The following MLLT3 variants were observed in gnomAD, a reference collection of about 807,000 sequenced individuals.
MLLT3 encodes protein AF-9.
Under a neutral mutation model 53.2 loss-of-function variants are expected in MLLT3, and 4 were observed. That is an observed-to-expected ratio of 0.08 (90% CI 0.04 to 0.17). The LOEUF is 0.17. MLLT3 is among the 10% of genes least tolerant of loss of function. The pLI is 1.00. For synonymous variants in MLLT3, 283 were observed against 230.6 expected (o/e 1.23, Z -2.06); for missense variants, 569 against 684.0 (o/e 0.83, Z 1.87).
chr9:20,394,574 G>A (rs1210543920), intron 5 of MLLT3, among the ~76,000 whole-genome samples: 1 of 152,072 alleles, frequency 6.6e-6, no homozygotes, highest in Non-Finnish European at 1.5e-5. Context: ...TCATGTCTGG[G>A]TGTACAACTT....
At chr9:20,544,809 C>T (rs1299327895) in intron 2 of MLLT3, among the ~76,000 whole-genome samples, 3 of 152,080 alleles carry the variant, frequency 2.0e-5, no homozygotes, top group African/African-American at 4.8e-5. Context: ...ATTACTCAGT[C>T]GGGCATGGCT....
chr9:20,529,794 G>A (rs905044972), intron 2 of MLLT3, among the ~76,000 whole-genome samples: 4 of 129,422 alleles, frequency 3.1e-5, no homozygotes, highest in East Asian at 2.4e-4. Context: ...GGTCTCTAAC[G>A]CCTGGCCTTT....
chr9:20,617,351 G>A (rs1820856928), intron 2 of MLLT3, among the ~76,000 whole-genome samples: 1 of 152,086 alleles, frequency 6.6e-6, no homozygotes, highest in African/African-American at 2.4e-5. Context: ...TTGTTAGAGT[G>A]GATTTATTAA....
chr9:20,533,374 A>C (rs1294784934), intron 2 of MLLT3: 1 of 168,108 alleles, frequency 5.9e-6, no homozygotes, highest in Non-Finnish European at 1.3e-5. Flanking sequence ...AATAAAAATA[A>C]TTAAAATAAA....
At chr9:20,600,943 C>T (rs1004878337) in intron 2 of MLLT3, among the ~76,000 whole-genome samples, 1 of 152,102 alleles carries the variant, frequency 6.6e-6, no homozygotes, top group Non-Finnish European at 1.5e-5. Flanking sequence ...GGTAAAATGG[C>T]TTTAAATTGT....
chr9:20,565,384 A>C (rs1819326315), intron 2 of MLLT3, among the ~76,000 whole-genome samples: 1 of 152,100 alleles, frequency 6.6e-6, no homozygotes, highest in Non-Finnish European at 1.5e-5. Flanking sequence ...GGGTGCGCAC[A>C]CTGCGAATAA....
chr9:20,345,129 C>T lies in MLLT3; in HGVS notation c.*1314G>A, dbSNP rs1366378481. ...ACAGGACAGATTTCTAGTTTCAAAA[C>T]AAGGGTACAACAAGAACAAAAAAAT... On this transcript the variant is annotated 3_prime_UTR_variant, in exon 11 of 11. Coordinates refer to ENST00000380338, the MANE Select transcript of MLLT3 (RefSeq NM_004529.4). The T allele has an allele frequency of 4.5e-6, 1 of 222,738 alleles. No homozygotes were observed. Among genetic ancestry groups the T allele is most frequent in the Admixed American group, 5.7e-5 (1 of 17,402 alleles). 13.8% of individuals were successfully genotyped at this position (222,738 alleles called of 1,614,324 possible).
At chr9:20,474,220 G>A (rs1824465138) in intron 2 of MLLT3, among the ~76,000 whole-genome samples, 1 of 151,900 alleles carries the variant, frequency 6.6e-6, no homozygotes, top group Non-Finnish European at 1.5e-5. Flanking sequence ...CAGTAATTTT[G>A]GCTTAAAACC....
Position 20,598,851 on chromosome 9 carries a change from T to A in MLLT3, c.193+21803A>T, listed in dbSNP as rs549393281. Among the ~76,000 whole-genome samples, 7 of 152,352 alleles carry A rather than the reference T, an allele frequency of 4.6e-5. No homozygotes were observed. The South Asian group carries it at 1.4e-3, about 32-fold the overall frequency. On this transcript the variant is annotated intron_variant, in intron 2 of 10. Transcript: ENST00000380338. ...ATCACAACATAAGTTTCCAATTTTC[T>A]TTTCCAAATTAGAGTTACTTTCCTC...
chr9:20,592,337 A>C (rs1409117479), intron 2 of MLLT3, among the ~76,000 whole-genome samples: 1 of 152,218 alleles, frequency 6.6e-6, no homozygotes, highest in African/African-American at 2.4e-5. Flanking sequence ...CTTAAGCAAC[A>C]GGAATTTATT....
intron 2 of MLLT3, among the ~76,000 whole-genome samples, chr9:20,599,223 G>A (rs1175465099): frequency 6.6e-6 from 1 of 150,874 alleles, no homozygotes; most frequent in East Asian, 2.0e-4. Flanking sequence ...AGAATCACTT[G>A]AACCAGGGAG....
intron 6 of MLLT3, among the ~76,000 whole-genome samples, chr9:20,365,345 T>C (rs1821423438): frequency 6.6e-6 from 1 of 152,034 alleles, no homozygotes; most frequent in Admixed American, 6.6e-5. Flanking sequence ...TTTTGTTTTG[T>C]TTTCTTTTTT....
At chr9:20,588,097 G>A (rs918174638) in intron 2 of MLLT3, among the ~76,000 whole-genome samples, 1 of 151,976 alleles carries the variant, frequency 6.6e-6, no homozygotes, top group African/African-American at 2.4e-5. Flanking sequence ...ATTAAATAGG[G>A]AATCCTTTCC....
intron 2 of MLLT3, among the ~76,000 whole-genome samples, chr9:20,492,999 C>G (rs1284374460): frequency 6.6e-6 from 1 of 151,848 alleles, no homozygotes; most frequent in East Asian, 1.9e-4. Flanking sequence ...AGTCAGTTTA[C>G]AGACTGAATT....
At chr9:20,517,567 T>C (rs28409489) in intron 2 of MLLT3, among the ~76,000 whole-genome samples, 1 of 152,142 alleles carries the variant, frequency 6.6e-6, no homozygotes, top group African/African-American at 2.4e-5. Context: ...CCAGGCGCAG[T>C]GGCTCACGCC....
chr9:20,606,270 G>A (rs1166804424), intron 2 of MLLT3, among the ~76,000 whole-genome samples: 2 of 151,810 alleles, frequency 1.3e-5, no homozygotes, highest in Non-Finnish European at 2.9e-5. Context: ...CTGGTACATA[G>A]GACTGGTTAT....
chr9:20,619,283 C>T (rs1485587385), intron 2 of MLLT3, among the ~76,000 whole-genome samples: 1 of 152,112 alleles, frequency 6.6e-6, no homozygotes, highest in Non-Finnish European at 1.5e-5. Context: ...ATTAACCATC[C>T]AACAAAGACC....
intron 2 of MLLT3, among the ~76,000 whole-genome samples, chr9:20,595,776 C>T (rs1820245758): frequency 6.6e-6 from 1 of 152,146 alleles, no homozygotes; most frequent in South Asian, 2.1e-4. Flanking sequence ...TATAAAAAGT[C>T]TTATCAGATT....
intron 8 of MLLT3, among the ~76,000 whole-genome samples, chr9:20,355,962 A>G (rs984377508): frequency 2.6e-5 from 4 of 152,216 alleles, no homozygotes; most frequent in Non-Finnish European, 4.4e-5. Flanking sequence ...TGTAGTGGCA[A>G]GAGCACTGAT....
Sources: allele counts gnomAD v4.1 joint callset (sites outside exome capture counted in the v4.1 genomes callset), GRCh38; gene constraint gnomAD v4.1.1; transcripts MANE v1.5; gene names NCBI Gene and HGNC (gene_info 2026-07-23, HGNC 2026-07-21).